The following PIK3CB variants were observed in gnomAD, a reference collection of about 807,000 sequenced individuals.
PIK3CB encodes phosphatidylinositol-4,5-bisphosphate 3-kinase catalytic subunit beta.
PIK3CB carries 39 observed loss-of-function variants against 136.8 expected under a neutral mutation model. That is an observed-to-expected ratio of 0.29 (90% CI 0.22 to 0.37). The LOEUF (loss-of-function observed/expected upper bound fraction) is 0.37, where lower values mean the gene tolerates loss of function less well. Among genes scored for constraint, PIK3CB ranks in the 10% least tolerant of loss-of-function variants. The pLI, the probability that PIK3CB is intolerant of heterozygous loss-of-function variation, is 1.00. For synonymous variants in PIK3CB, 428 were observed against 436.6 expected (o/e 0.98, Z 0.25); for missense variants, 868 against 1,275.4 (o/e 0.68, Z 4.87).
intron 1 of PIK3CB, among the ~76,000 whole-genome samples, chr3:138,801,497 AAGG>A (rs558340526): frequency 4.0e-4 from 61 of 152,248 alleles, no homozygotes; most frequent in African/African-American, 1.5e-3. Flanking sequence ...TTGAGACACT[AAGG>A]AAGGAGGACT....
chr3:138,807,073 C>T (rs1309576922), intron 1 of PIK3CB, among the ~76,000 whole-genome samples: 2 of 152,158 alleles, frequency 1.3e-5, no homozygotes, highest in African/African-American at 4.8e-5. Context: ...TTCATTGTTT[C>T]TGGTCACAAT....
chr3:138,784,406 C>T (rs1456103379), intron 2 of PIK3CB, among the ~76,000 whole-genome samples: 5 of 151,926 alleles, frequency 3.3e-5, no homozygotes, highest in Non-Finnish European at 5.9e-5. Flanking sequence ...GGCTCTCCCT[C>T]TCCCTCCCCC....
At chr3:138,658,259 G>A (rs545872733) in intron 21 of PIK3CB, among the ~76,000 whole-genome samples, 3 of 152,178 alleles carry the variant, frequency 2.0e-5, no homozygotes, top group South Asian at 2.1e-4. Flanking sequence ...GGCCAGCCTA[G>A]GCAACATAGC....
intron 8 of PIK3CB, among the ~76,000 whole-genome samples, chr3:138,729,838 G>C (rs975012993): frequency 3.9e-5 from 6 of 151,964 alleles, no homozygotes; most frequent in African/African-American, 1.5e-4. Flanking sequence ...TATAGATATA[G>C]CTATACATAT....
intron 14 of PIK3CB, 149 bp downstream of exon 14, chr3:138,694,637 G>T: frequency 1.4e-6 from 1 of 733,506 alleles, no homozygotes; most frequent in Non-Finnish European, 2.1e-6. Flanking sequence ...ACATTGAGTT[G>T]GGGAGCTGGC....
chr3:138,831,276 A>AAAATTAAATT (rs1470060121), intron 1 of PIK3CB, among the ~76,000 whole-genome samples: 1 of 135,698 alleles, frequency 7.4e-6, no homozygotes, highest in African/African-American at 3.6e-5. Flanking sequence ...AAAATAAAAT[A>AAAATTAAATT]AAATAAAATT....
rs624099 is a variant in PIK3CB, at chr3:138,652,857, C to T, written c.*2532G>A. The T allele has an allele frequency of 0.52, 113,034 of 216,938 alleles. 32,903 individuals are homozygous for T. The highest frequency in any genetic ancestry group is 0.98 in the East Asian group (14,059 of 14,324). 13.4% of individuals were successfully genotyped at this position (216,938 alleles called of 1,614,324 possible). The stretch of plus-strand genomic sequence containing the variant: ...TGCCTGTATCAAAATATTCCATGTA[C>T]CCCATATATATATCTACTATGTACT... On this transcript the variant is annotated 3_prime_UTR_variant, in exon 24 of 24. Coordinates refer to ENST00000674063, the MANE Select transcript of PIK3CB (RefSeq NM_006219.3).
intron 1 of PIK3CB, among the ~76,000 whole-genome samples, chr3:138,817,114 G>A (rs1933371234): frequency 6.6e-6 from 1 of 152,130 alleles, no homozygotes; most frequent in East Asian, 1.9e-4. Flanking sequence ...CGAGGCGGGC[G>A]GATCACGAGG....
chr3:138,705,199 AAAC>A (rs2044353539), intron 11 of PIK3CB, among the ~76,000 whole-genome samples: 27 of 143,330 alleles, frequency 1.9e-4, no homozygotes, highest in African/African-American at 6.1e-4. Flanking sequence ...ACAAAAAAAA[AAAC>A]TTATATTTGC....
chr3:138,664,149 C>T (rs533960524), intron 20 of PIK3CB, 120 bp from the exon 21 acceptor site: 1 of 1,148,644 alleles, frequency 8.7e-7, no homozygotes, highest in East Asian at 2.6e-5. Flanking sequence ...GCTGCCAAAA[C>T]CGTATGAGAG....
intron 1 of PIK3CB, chr3:138,825,337 G>T: frequency 1.9e-6 from 1 of 513,608 alleles, no homozygotes. Flanking sequence ...TCCAAAAATG[G>T]GCAGACCTGT....
At chr3:138,820,583 T>A (rs1219567840) in intron 1 of PIK3CB, among the ~76,000 whole-genome samples, 2 of 152,180 alleles carry the variant, frequency 1.3e-5, no homozygotes, top group Non-Finnish European at 2.9e-5. Flanking sequence ...AACCACTGCC[T>A]CCGGGGCTTA....
At chr3:138,755,678 C>T in intron 4 of PIK3CB, 76 bp downstream of exon 4, 1 of 690,842 alleles carries the variant, frequency 1.4e-6, no homozygotes, top group Non-Finnish European at 2.4e-6. Context: ...AAAGCAATGT[C>T]TTAAATATAC....
chr3:138,676,675 T>C (rs779770358), intron 19 of PIK3CB, among the ~76,000 whole-genome samples: 3 of 152,176 alleles, frequency 2.0e-5, no homozygotes, highest in African/African-American at 7.2e-5. Context: ...GACAATGAAA[T>C]GAAATACTGG....
intron 2 of PIK3CB, among the ~76,000 whole-genome samples, chr3:138,784,705 G>C (rs917277185): frequency 6.6e-6 from 1 of 152,208 alleles, no homozygotes; most frequent in African/African-American, 2.4e-5. Flanking sequence ...TGCTGGGATT[G>C]CAGACGGAGT....
chr3:138,676,072 A>G (rs2043636447), intron 19 of PIK3CB, among the ~76,000 whole-genome samples: 1 of 152,208 alleles, frequency 6.6e-6, no homozygotes, highest in Non-Finnish European at 1.5e-5. Context: ...TTTATCTAAG[A>G]AGGGTCTAGT....
intron 1 of PIK3CB, among the ~76,000 whole-genome samples, chr3:138,811,627 T>C (rs570581956): frequency 6.6e-6 from 1 of 152,178 alleles, no homozygotes; most frequent in East Asian, 1.9e-4. Flanking sequence ...GGTCTCACCG[T>C]GTTAGCCAGG....
At chr3:138,787,379 AAAG>A (rs1320220068) in intron 2 of PIK3CB, among the ~76,000 whole-genome samples, 3 of 151,874 alleles carry the variant, frequency 2.0e-5, no homozygotes, top group Admixed American at 2.0e-4. Flanking sequence ...AAAAAAAAAA[AAAG>A]AAGCTCCTAA....
rs546275660 is a variant in PIK3CB at position 138,789,669 on chromosome 3, G to T, written c.-17+6794C>A. ...TAGACAAAAAAAATGTGGAAATGTG[G>T]TGTGTACATACAATGGAATATTATT... On this transcript the variant is annotated intron_variant, in intron 2 of 23. Coordinates refer to ENST00000674063, the MANE Select transcript of PIK3CB (RefSeq NM_006219.3). 1.3e-4 allele frequency among the ~76,000 whole-genome samples: 19 copies of T among 151,336 alleles called. No homozygotes were observed. The South Asian group carries it at 3.8e-3, about 30-fold the overall frequency.
Sources: allele counts gnomAD v4.1 joint callset (sites outside exome capture counted in the v4.1 genomes callset), GRCh38; gene constraint gnomAD v4.1.1; transcripts MANE v1.5; gene names NCBI Gene and HGNC (gene_info 2026-07-23, HGNC 2026-07-21).